SEPTIN8: variants seen among roughly 807,000 people sequenced by gnomAD.
The protein encoded by SEPTIN8 is septin 8, also known as septin-8.
In SEPTIN8, 22 loss-of-function variants were observed where a neutral mutation model predicts 53.1. The ratio of observed to expected loss-of-function variants is 0.41; its 90% CI spans 0.30 to 0.59. The LOEUF is 0.59. Among genes scored for constraint, SEPTIN8 ranks in the 20% least tolerant of loss-of-function variants. The pLI is 0.24. For missense variants in SEPTIN8, 536 were observed against 638.7 expected (o/e 0.84, Z 1.73); for synonymous variants, 228 against 248.4 (o/e 0.92, Z 0.77).
upstream of SEPTIN8, among the ~76,000 whole-genome samples, chr5:132,778,437 C>T (rs1757962016): frequency 6.6e-6 from 1 of 152,210 alleles, no homozygotes; most frequent in African/African-American, 2.4e-5. Context: ...ATTTGGCTTT[C>T]CCCTCCTCAC....
Position 132,761,202 on chromosome 5 carries a change from TTCC to T in SEPTIN8, c.1023_1025del (p.Glu343del). 6.2e-7 allele frequency: 1 copy of T among 1,614,096 alleles called. No homozygotes were observed. The highest frequency in any genetic ancestry group is 8.5e-7 in the Non-Finnish European group (1 of 1,179,962). ...TGTTGACAAACATCTGCCTCATCTC[TTCC>T]TCCTTCCTCTGCAGCTCACTTAGGA... is the stretch of plus-strand genomic sequence containing the variant. On this transcript the variant is annotated inframe_deletion, in exon 8 of 10. Transcript: ENST00000378719. This position sits in a 1 kb window ranked among gnomAD's most constrained non-coding sequence, Gnocchi z 5.8.
chr5:132,777,224 G>A lies in SEPTIN8; in HGVS notation c.-87C>T, dbSNP rs1757894741. The stretch of plus-strand genomic sequence containing the variant: ...CGGCTGCGGGACGCGCTCCGCCCGG[G>A]CGGCTGCGGCTGAATGGATCCAATA... On this transcript the variant is annotated 5_prime_UTR_variant, in exon 1 of 10. Coordinates refer to ENST00000378719, the MANE Select transcript of SEPTIN8 (RefSeq NM_001098811.2). This position sits in a 1 kb window ranked among gnomAD's most constrained non-coding sequence, Gnocchi z 4.1. 8.7e-7 allele frequency: 1 copy of A among 1,151,576 alleles called. No homozygotes were observed. Among genetic ancestry groups the A allele is most frequent in the African/African-American group, 1.6e-5 (1 of 61,340 alleles). The allele number at this position is 1,151,576 out of a possible 1,614,324, so 71.3% of individuals were successfully genotyped here. A position where few individuals can be genotyped will look rare whatever the true frequency, so the allele number is the denominator to read the frequency against.
chr5:132,761,238 C>T lies in SEPTIN8; in HGVS notation c.990G>A (p.Arg330=). 4.3e-6 allele frequency: 7 copies of T among 1,614,128 alleles called. No homozygotes were observed. The highest frequency in any genetic ancestry group is 5.9e-6 in the Non-Finnish European group (7 of 1,180,038). The part of the protein sequence containing the change: ...FSLQETYEAK[R]KEFLSELQRK... ...TCTGCAGCTCACTTAGGAACTCCTT[C>T]CTCTTGGCCTCGTATGTCTCTTGTA... The change falls in exon 8 of 10, where the codon AGG becomes AGA. Residue 330 remains arginine, a synonymous_variant. Coordinates refer to ENST00000378719, the MANE Select transcript of SEPTIN8 (RefSeq NM_001098811.2). This position sits in a 1 kb window ranked among gnomAD's most constrained non-coding sequence, Gnocchi z 5.8.
intron 5 of SEPTIN8, 51 bp downstream of exon 5, chr5:132,762,433 G>A (rs376691838): frequency 1.5e-4 from 234 of 1,572,748 alleles, no homozygotes; most frequent in Non-Finnish European, 1.9e-4. Flanking sequence ...GATCTGTGCC[G>A]GCTCCTCGCC....
At chr5:132,756,863 A>T (rs1307452730) in intron 9 of SEPTIN8, 1 of 985,314 alleles carries the variant, frequency 1.0e-6, no homozygotes, top group Non-Finnish European at 1.2e-6. Context: ...CCCATGAACC[A>T]GGAATTCTCA....
chr5:132,766,147 C>T (rs182250096), intron 1 of SEPTIN8, among the ~76,000 whole-genome samples: 49 of 152,326 alleles, frequency 3.2e-4, no homozygotes, highest in Non-Finnish European at 5.1e-4. Flanking sequence ...CTAAAGGAGC[C>T]GGCCCTCACT....
chr5:132,764,148 G>A, intron 3 of SEPTIN8, 76 bp downstream of exon 3: 1 of 1,451,574 alleles, frequency 6.9e-7, no homozygotes, highest in South Asian at 1.3e-5. Flanking sequence ...CAGTGTGAGG[G>A]CTGGGCTACT....
At chr5:132,762,779 G>C (rs1299149253) in intron 4 of SEPTIN8, 134 bp from the exon 5 acceptor site, 5 of 960,470 alleles carry the variant, frequency 5.2e-6, no homozygotes, top group Middle Eastern at 3.2e-4. Context: ...GAGAGATGGA[G>C]CCACTCCCAC....
chr5:132,754,295 G>C, intron 9 of SEPTIN8: 1 of 664,044 alleles, frequency 1.5e-6, no homozygotes, highest in South Asian at 1.7e-5. Context: ...AGATGGAGAT[G>C]CTGAGGCCAT....
At chr5:132,764,458 T>G in intron 2 of SEPTIN8, 39 bp from the exon 3 acceptor site, 1 of 1,555,712 alleles carries the variant, frequency 6.4e-7, no homozygotes, top group Non-Finnish European at 8.8e-7. Flanking sequence ...GTGGGTGTCA[T>G]AGGCTGGAAA....
intron 3 of SEPTIN8, 55 bp downstream of exon 3, chr5:132,764,169 C>T: frequency 6.5e-7 from 1 of 1,547,544 alleles, no homozygotes; most frequent in Non-Finnish European, 8.8e-7. Context: ...GTTATAGGGG[C>T]CAATGTAGGT....
chr5:132,772,256 T>C (rs1255942897), intron 1 of SEPTIN8, among the ~76,000 whole-genome samples: 1 of 152,180 alleles, frequency 6.6e-6, no homozygotes, highest in Non-Finnish European at 1.5e-5. Context: ...TTTGGGATAG[T>C]GTGTTTCAAG....
chr5:132,760,734 G>A lies in SEPTIN8; in HGVS notation c.1286+68C>T. The A allele has an allele frequency of 4.1e-6, 6 of 1,459,066 alleles. No individual in the cohort carries two copies. Among genetic ancestry groups the A allele is most frequent in the Non-Finnish European group, 5.6e-6 (6 of 1,066,652 alleles). The allele number at this position is 1,459,066 out of a possible 1,614,324, so 90.4% of individuals were successfully genotyped here. On this transcript the variant is annotated intron_variant, in intron 9 of 9. Transcript: ENST00000378719. The surrounding 1 kb of genome is among the most constrained non-coding windows in gnomAD (Gnocchi z 5.2). ...AGCAGGAGAGCGAGAAGGGAGGTGA[G>A]GGACAAGAACGAAAGCAAGAGCCCA...
In SEPTIN8 at chr5:132,761,554, C is replaced by T. The variant is rs1483877931; in HGVS notation, c.866G>A (p.Arg289His). The change falls in exon 7 of 10, where the codon CGC (arginine) becomes CAC (histidine). Residue 289 changes from arginine to histidine, a missense_variant. This residue lies in a region of SEPTIN8 where 395 missense variants were observed against 451.8 expected (regional missense o/e 0.87). Coordinates refer to ENST00000378719, the MANE Select transcript of SEPTIN8 (RefSeq NM_001098811.2). The surrounding 1 kb of genome is among the most constrained non-coding windows in gnomAD (Gnocchi z 5.8). Reference protein sequence around the residue: ...MLIRVNMEDLREQTHSRHYEL... With the variant: ...MLIRVNMEDLHEQTHSRHYEL... The stretch of plus-strand genomic sequence containing the variant: ...GTAGTGCCGGCTGTGGGTCTGCTCG[C>T]GGAGGTCTTCCATGTTCACCCGGAT... The T allele has an allele frequency of 2.5e-6, 4 of 1,613,852 alleles. No homozygotes were observed. The highest frequency in any genetic ancestry group is 1.3e-5 in the African/African-American group (1 of 74,896).
intron 1 of SEPTIN8, among the ~76,000 whole-genome samples, chr5:132,768,279 C>T (rs939225785): frequency 1.3e-5 from 2 of 151,934 alleles, no homozygotes; most frequent in Admixed American, 6.6e-5. Context: ...TTAGGAGCCC[C>T]GGGGACCAGT....
At chr5:132,774,739 G>A (rs1001322412) in intron 1 of SEPTIN8, among the ~76,000 whole-genome samples, 5 of 152,194 alleles carry the variant, frequency 3.3e-5, no homozygotes, top group African/African-American at 1.2e-4. Context: ...ACTGACCACT[G>A]AGCTGGCCAG....
Position 132,752,731 on chromosome 5 carries a change from G to T in SEPTIN8, c.1287-550C>A, listed in dbSNP as rs1156519396. ...GTTGGAAATGGATGTCCCTGAGATG[G>T]TAGGATTAGTGGTCCTTAGTTGGGT... On this transcript the variant is annotated intron_variant, in intron 9 of 9. Coordinates refer to ENST00000378719, the MANE Select transcript of SEPTIN8 (RefSeq NM_001098811.2). The T allele has an allele frequency of 3.5e-5, 23 of 659,990 alleles. No individual in the cohort carries two copies. The Admixed American group carries it at 3.7e-4, about 11-fold the overall frequency. The allele number at this position is 659,990 out of a possible 1,614,324, so 40.9% of individuals were successfully genotyped here. A position where few individuals can be genotyped will look rare whatever the true frequency, so the allele number is the denominator to read the frequency against.
At chr5:132,759,381 C>T (rs1472572752) in intron 9 of SEPTIN8, among the ~76,000 whole-genome samples, 1 of 152,164 alleles carries the variant, frequency 6.6e-6, no homozygotes, top group African/African-American at 2.4e-5. Flanking sequence ...AGTGACAAGC[C>T]CCCACCCCGA....
intron 9 of SEPTIN8, chr5:132,759,152 A>G: frequency 2.1e-6 from 1 of 468,414 alleles, no homozygotes; most frequent in Non-Finnish European, 4.2e-6. Context: ...TAGTCCCTTG[A>G]CCAGGGCGGC....
Sources: allele counts gnomAD v4.1 joint callset (sites outside exome capture counted in the v4.1 genomes callset), GRCh38; gene constraint gnomAD v4.1.1; regional missense constraint gnomAD v4.1.1; non-coding constraint Gnocchi (gnomAD v3.1); transcripts MANE v1.5; gene names NCBI Gene and HGNC (gene_info 2026-07-23, HGNC 2026-07-21).